Variants in CFAP20 observed in about 807,000 individuals in gnomAD.
CFAP20 encodes cilia- and flagella-associated protein 20.
In CFAP20, 14 loss-of-function variants were observed where a neutral mutation model predicts 25.5. That is an observed-to-expected ratio of 0.55 (90% CI 0.36 to 0.86). CFAP20 has a LOEUF of 0.86. CFAP20 is among the 40% of genes least tolerant of loss of function. The probability of loss-of-function intolerance (pLI) is 0.01; values close to 1 mark genes in which losing one functional copy is unlikely to be tolerated. For missense variants in CFAP20, 181 were observed against 248.0 expected, an observed-to-expected ratio of 0.73 and a Z score of 1.81; for synonymous variants, 75 against 91.1, an observed-to-expected ratio of 0.82 and a Z score of 1.01.
In CFAP20 at chr16:58,129,149, A is replaced by G. The variant is rs1362134285; in HGVS notation, c.-34T>C. 2 of 1,609,674 alleles carry G rather than the reference A, an allele frequency of 1.2e-6. No homozygotes were observed. The highest frequency in any genetic ancestry group is 1.7e-6 in the Non-Finnish European group (2 of 1,178,056). ...CGGCCTTCTCCTAAGCCGCCCCCGG[A>G]GCCGACCTAGGCCCCGGAGTAGATA... On this transcript the variant is annotated 5_prime_UTR_variant, in exon 1 of 6. Coordinates refer to ENST00000262498, the MANE Select transcript of CFAP20 (RefSeq NM_013242.3).
chr16:58,115,277 T>C lies in CFAP20; in HGVS notation c.457A>G (p.Arg153Gly). The C allele has an allele frequency of 4.3e-6, 7 of 1,614,148 alleles. No individual in the cohort carries two copies. The highest frequency in any genetic ancestry group is 5.9e-6 in the Non-Finnish European group (7 of 1,180,024). ...AYGTNYIETL[R>G]VQIHANCRIR... is the part of the protein sequence containing the mutation. ...TGGGAAAGGAGCAGTACCTGCACTC[T>C]GAGGGTCTCGATGTAATTGGTGCCG... Residue 153 changes from arginine to glycine, a missense_variant, in exon 4 of 6, where the codon AGA becomes GGA. By Grantham distance (125) the Arg-to-Gly change is moderately radical. Coordinates refer to ENST00000262498, the MANE Select transcript of CFAP20 (RefSeq NM_013242.3).
Position 58,129,268 on chromosome 16 carries a change from G to GCCGGACTCGGACGCGGCAA in CFAP20, c.-172_-154dup. 1.4e-6 allele frequency: 1 copy of GCCGGACTCGGACGCGGCAA among 729,438 alleles called. No individual in the cohort carries two copies. The highest frequency in any genetic ancestry group is 2.7e-5 in the Admixed American group (1 of 37,096). 45.2% of individuals were successfully genotyped at this position (729,438 alleles called of 1,614,324 possible). A position where few individuals can be genotyped will look rare whatever the true frequency, so the allele number is the denominator to read the frequency against. ...GCCTCCGGATCTGCAGCCACTGATG[G>GCCGGACTCGGACGCGGCAA]CCGGACTCGGACGCGGCAACGCTAA... is the stretch of plus-strand genomic sequence containing the variant. On this transcript the variant is annotated 5_prime_UTR_variant, in exon 1 of 6. Transcript: ENST00000262498.
At chr16:58,128,899 G>A in intron 1 of CFAP20, 133 bp downstream of exon 1, 1 of 905,756 alleles carries the variant, frequency 1.1e-6, no homozygotes, top group Admixed American at 3.3e-5. Context: ...CGCCAGGCTG[G>A]GGACAAGGCA....
chr16:58,122,985 C>T (rs1031831414), intron 1 of CFAP20, among the ~76,000 whole-genome samples: 2 of 152,024 alleles, frequency 1.3e-5, no homozygotes, highest in Non-Finnish European at 2.9e-5. Flanking sequence ...ATCTCATGTA[C>T]TTTTAGGATA....
chr16:58,116,947 C>T lies in CFAP20; in HGVS notation c.89G>A (p.Arg30Gln). ...KPLQIWDKKV[R>Q]NGHIKRITDN... ...AGTGATTCTTTTGATGTGGCCATTC[C>T]GTACCTACAAGAAAGAAAATTCGAT... Residue 30 changes from arginine (R) to glutamine (Q), a missense_variant, in exon 2 of 6, where the codon CGG (arginine) becomes CAG (glutamine). Arg to Gln is a conservative substitution (Grantham distance 43). Coordinates refer to ENST00000262498, the MANE Select transcript of CFAP20 (RefSeq NM_013242.3). The T allele has an allele frequency of 1.9e-6, 3 of 1,613,854 alleles. No individual in the cohort carries two copies. Among genetic ancestry groups the T allele is most frequent in the East Asian group, 2.2e-5 (1 of 44,864 alleles).
chr16:58,115,865 AT>A, intron 3 of CFAP20, 175 bp downstream of exon 3: 1 of 528,468 alleles, frequency 1.9e-6, no homozygotes, highest in Non-Finnish European at 3.3e-6. Context: ...ACCTGATTAA[AT>A]TTTATTACTA....
chr16:58,116,210 G>T, intron 2 of CFAP20, 58 bp from the exon 3 acceptor site: 1 of 1,270,044 alleles, frequency 7.9e-7, no homozygotes, highest in Non-Finnish European at 1.1e-6. Context: ...TTTGTGGTAT[G>T]CACAACAATA....
At position 58,113,817 on chromosome 16, in the gene CFAP20, C is replaced by T. The variant is rs1308466325; in HGVS notation, c.*208G>A. On this transcript the variant is annotated 3_prime_UTR_variant, in exon 6 of 6. Transcript: ENST00000262498. The stretch of plus-strand genomic sequence containing the variant: ...AGCTCCAGCGTTCATGCGCCACTCA[C>T]AGGACTGCTTACCCCCACTGCACTT... 3.3e-6 allele frequency: 2 copies of T among 598,196 alleles called. No individual in the cohort carries two copies. The highest frequency in any genetic ancestry group is 3.0e-6 in the Non-Finnish European group (1 of 335,630). The allele number at this position is 598,196 out of a possible 1,614,324, so 37.1% of individuals were successfully genotyped here.
intron 3 of CFAP20, 148 bp downstream of exon 3, chr16:58,115,893 A>G: frequency 3.5e-6 from 2 of 569,544 alleles, no homozygotes; most frequent in Non-Finnish European, 6.2e-6. Flanking sequence ...AATTTACATA[A>G]CAAGGACTGC....
chr16:58,129,186 C>A lies in CFAP20; in HGVS notation c.-71G>T. 1 of 1,529,144 alleles carries A rather than the reference C, an allele frequency of 6.5e-7. No individual in the cohort carries two copies. Among genetic ancestry groups the A allele is most frequent in the East Asian group, 2.3e-5 (1 of 43,246 alleles). The allele number at this position is 1,529,144 out of a possible 1,614,324, so 94.7% of individuals were successfully genotyped here. A position where few individuals can be genotyped will look rare whatever the true frequency, so the allele number is the denominator to read the frequency against. On this transcript the variant is annotated 5_prime_UTR_variant, in exon 1 of 6. Coordinates refer to ENST00000262498, the MANE Select transcript of CFAP20 (RefSeq NM_013242.3). ...CCCCGGAGTAGATACAGGCACCGAG[C>A]GTCGAGGGCACAGCAGCAGGCCGGC...
At chr16:58,118,683 G>T (rs1001572566) in intron 1 of CFAP20, among the ~76,000 whole-genome samples, 1 of 151,712 alleles carries the variant, frequency 6.6e-6, no homozygotes, top group Admixed American at 6.6e-5. Flanking sequence ...TTAGCCAGGT[G>T]TAGTGGCACG....
At chr16:58,115,154 G>C in intron 4 of CFAP20, 115 bp downstream of exon 4, 1 of 1,411,400 alleles carries the variant, frequency 7.1e-7, no homozygotes, top group Non-Finnish European at 1.0e-6. Context: ...TCCCTGGACA[G>C]TGTGGCAACT....
chr16:58,120,204 A>T (rs1372885004), intron 1 of CFAP20, among the ~76,000 whole-genome samples: 1 of 152,252 alleles, frequency 6.6e-6, no homozygotes, highest in Non-Finnish European at 1.5e-5. Context: ...CTTTTATAAC[A>T]CACCACTAAT....
intron 1 of CFAP20, among the ~76,000 whole-genome samples, chr16:58,120,214 T>C (rs1170717326): frequency 6.6e-6 from 1 of 152,252 alleles, no homozygotes; most frequent in East Asian, 1.9e-4. Context: ...ACACCACTAA[T>C]TATTCTCAAT....
At chr16:58,115,155 TG>T in intron 4 of CFAP20, 113 bp downstream of exon 4, 1 of 1,414,030 alleles carries the variant, frequency 7.1e-7, no homozygotes, top group Admixed American at 1.7e-5. Flanking sequence ...CCCTGGACAG[TG>T]TGGCAACTGA....
At chr16:58,117,408 C>T (rs192042063) in intron 1 of CFAP20, among the ~76,000 whole-genome samples, 3 of 152,230 alleles carry the variant, frequency 2.0e-5, no homozygotes, top group South Asian at 4.2e-4. Context: ...CATACTGCCT[C>T]GTAGATTTCT....
chr16:58,121,143 T>C (rs1473648403), intron 1 of CFAP20, among the ~76,000 whole-genome samples: 1 of 152,116 alleles, frequency 6.6e-6, no homozygotes, highest in Non-Finnish European at 1.5e-5. Flanking sequence ...CGACAGGCAA[T>C]TTGGGGCAAA....
chr16:58,116,509 C>T lies in CFAP20; in HGVS notation c.165-357G>A, dbSNP rs138887427. On this transcript the variant is annotated intron_variant, in intron 2 of 5. Transcript: ENST00000262498. ...CTATGGCACTGAAAACCACACTGTC[C>T]ACCCACTGGATGAGCTGTACAACAC... 3.3e-3 allele frequency: 1,136 copies of T among 347,962 alleles called. 5 individuals carry two copies. Among genetic ancestry groups the T allele is most frequent in the Middle Eastern group, 0.016 (21 of 1,278 alleles). 21.6% of individuals were successfully genotyped at this position (347,962 alleles called of 1,614,324 possible).
intron 1 of CFAP20, among the ~76,000 whole-genome samples, chr16:58,128,648 T>C (rs1267905572): frequency 6.6e-6 from 1 of 152,096 alleles, no homozygotes; most frequent in Non-Finnish European, 1.5e-5. Flanking sequence ...CAAAGCTCCT[T>C]CAAATAAGTT....
Sources: allele counts gnomAD v4.1 joint callset (sites outside exome capture counted in the v4.1 genomes callset), GRCh38; gene constraint gnomAD v4.1.1; transcripts MANE v1.5; gene names NCBI Gene and HGNC (gene_info 2026-07-23, HGNC 2026-07-21).